Variants in TBCK observed in about 807,000 individuals in gnomAD.
The protein encoded by TBCK is TBC1 domain containing kinase.
Under a neutral mutation model 113.4 loss-of-function variants are expected in TBCK, and 99 were observed. The ratio of observed to expected loss-of-function variants is 0.87; its 90% CI spans 0.74 to 1.03. The LOEUF (loss-of-function observed/expected upper bound fraction) is 1.03, where lower values mean the gene tolerates loss of function less well. Among genes scored for constraint, TBCK ranks in the 50% least tolerant of loss-of-function variants. The pLI is 0.00. For missense variants in TBCK, 1,045 were observed against 1,061.3 expected (o/e 0.98, Z 0.21); for synonymous variants, 369 against 370.8 (o/e 1.00, Z 0.05).
At chr4:106,050,216 C>G (rs947299919) in intron 25 of TBCK, among the ~76,000 whole-genome samples, 1 of 151,864 alleles carries the variant, frequency 6.6e-6, no homozygotes, top group Non-Finnish European at 1.5e-5. Flanking sequence ...ATAACTAAGA[C>G]TCAGAATATA....
chr4:106,047,232 C>T (rs1734317934), intron 25 of TBCK, among the ~76,000 whole-genome samples: 1 of 152,120 alleles, frequency 6.6e-6, no homozygotes, highest in African/African-American at 2.4e-5. Flanking sequence ...TCCAGGAAGA[C>T]TTCTAGATGT....
At chr4:106,166,105 TAATA>T (rs1259323740) in intron 23 of TBCK, among the ~76,000 whole-genome samples, 2 of 151,768 alleles carry the variant, frequency 1.3e-5, no homozygotes, top group African/African-American at 2.4e-5. Flanking sequence ...ATGCTAATTT[TAATA>T]AATATTCTTT....
chr4:106,274,682 G>A (rs545989957), intron 3 of TBCK, among the ~76,000 whole-genome samples: 112 of 152,276 alleles, frequency 7.4e-4, no homozygotes, highest in Middle Eastern at 6.8e-3. Flanking sequence ...GAGAGAAGGC[G>A]AGGGACTGCT....
chr4:106,048,283 A>AATGG (rs761802512), intron 25 of TBCK, among the ~76,000 whole-genome samples: 3 of 152,104 alleles, frequency 2.0e-5, no homozygotes, highest in Non-Finnish European at 4.4e-5. Context: ...AACTCACATA[A>AATGG]ATGGGTCTTA....
intron 23 of TBCK, among the ~76,000 whole-genome samples, chr4:106,145,287 C>T (rs1221749018): frequency 6.6e-6 from 1 of 152,166 alleles, no homozygotes; most frequent in Non-Finnish European, 1.5e-5. Flanking sequence ...CACTGCACTC[C>T]AGCCTGGTGA....
chr4:106,096,091 G>C (rs1188555011), intron 24 of TBCK, among the ~76,000 whole-genome samples: 1 of 151,884 alleles, frequency 6.6e-6, no homozygotes, highest in African/African-American at 2.4e-5. Flanking sequence ...TGAAAGGAGA[G>C]AGAATCAACA....
intron 23 of TBCK, among the ~76,000 whole-genome samples, chr4:106,136,141 A>T (rs28528983): frequency 0.24 from 33,294 of 140,060 alleles, 8,195 homozygotes; most frequent in African/African-American, 0.41. Flanking sequence ...TCCTTTTTTT[A>T]TTCAGTTTTT....
intron 23 of TBCK, among the ~76,000 whole-genome samples, chr4:106,142,619 T>C (rs1408992478): frequency 1.3e-5 from 2 of 152,150 alleles, no homozygotes; most frequent in Non-Finnish European, 2.9e-5. Context: ...TGCTAGCCTT[T>C]CCGTAGAATT....
chr4:106,193,915 A>G (rs1579196127), intron 21 of TBCK, 145 bp from the exon 22 acceptor site: 1 of 556,006 alleles, frequency 1.8e-6, no homozygotes, highest in East Asian at 3.3e-5. Flanking sequence ...TTTTTATGAA[A>G]TGTTTATTTG....
At chr4:106,086,912 C>T (rs533771624) in intron 25 of TBCK, among the ~76,000 whole-genome samples, 11 of 152,148 alleles carry the variant, frequency 7.2e-5, no homozygotes, top group South Asian at 2.1e-4. Flanking sequence ...TCAATAAACT[C>T]GGTATTGATG....
At chr4:106,180,194 T>G (rs1011891610) in intron 22 of TBCK, among the ~76,000 whole-genome samples, 2 of 151,908 alleles carry the variant, frequency 1.3e-5, no homozygotes, top group Non-Finnish European at 2.9e-5. Context: ...TCTAGCTCTT[T>G]TTATTGGATA....
chr4:106,041,865 A>AATTACT lies in TBCK; in HGVS notation c.*4699_*4704dup, dbSNP rs1733895127. The AATTACT allele has an allele frequency of 6.6e-6, 1 of 152,220 alleles. No individual in the cohort carries two copies. The highest frequency in any genetic ancestry group is 2.1e-4 in the South Asian group (1 of 4,832). The allele number at this position is 152,220 out of a possible 1,614,324, so 9.4% of individuals were successfully genotyped here. A position where few individuals can be genotyped will look rare whatever the true frequency, so the allele number is the denominator to read the frequency against. ...ACCTATCATAAGGCATTAACAGGAA[A>AATTACT]ATTACTCAGAAAAGATATAAATACA... is the stretch of plus-strand genomic sequence containing the variant. On this transcript the variant is annotated 3_prime_UTR_variant, in exon 26 of 26. Coordinates refer to ENST00000394708, the MANE Select transcript of TBCK (RefSeq NM_001163435.3).
intron 24 of TBCK, among the ~76,000 whole-genome samples, chr4:106,105,001 A>G (rs1025615627): frequency 6.6e-6 from 1 of 152,178 alleles, no homozygotes; most frequent in Non-Finnish European, 1.5e-5. Context: ...CCCCAACCAG[A>G]GCTATCGAGC....
Position 106,232,925 on chromosome 4 carries a change from C to T in TBCK, c.1639+13G>A, listed in dbSNP as rs1298794542. 2 of 1,608,642 alleles carry T rather than the reference C, an allele frequency of 1.2e-6. No individual in the cohort carries two copies. Among genetic ancestry groups the T allele is most frequent in the Non-Finnish European group, 8.5e-7 (1 of 1,177,296 alleles). The stretch of plus-strand genomic sequence containing the variant: ...TAATACTCCAGAGGAGTTTTAATGA[C>T]TACAAAAGTTACCTTGCCAATACAC... On this transcript the variant is annotated intron_variant, in intron 17 of 25. Transcript: ENST00000394708.
At chr4:106,144,644 A>T (rs912140902) in intron 23 of TBCK, among the ~76,000 whole-genome samples, 1 of 152,122 alleles carries the variant, frequency 6.6e-6, no homozygotes, top group African/African-American at 2.4e-5. Flanking sequence ...TGTTCTTTTT[A>T]AAAAAATGAT....
At position 106,307,053 on chromosome 4, in the gene TBCK, A is replaced by G. The variant is rs1767601822; in HGVS notation, c.193+1715T>C. Among the ~76,000 whole-genome samples the G allele has an allele frequency of 2.0e-5, 3 of 152,186 alleles. No homozygotes were observed. The South Asian group carries it at 6.2e-4, about 31-fold the overall frequency. On this transcript the variant is annotated intron_variant, in intron 2 of 25. Coordinates refer to ENST00000394708, the MANE Select transcript of TBCK (RefSeq NM_001163435.3). ...TCACGAAGCCTCCTGACAACATCTA[A>G]CTATTTACAGCACTAGGTATGTGGT...
chr4:106,309,882 T>C (rs1360482140), intron 1 of TBCK: 2 of 152,186 alleles, frequency 1.3e-5, no homozygotes, highest in Non-Finnish European at 2.9e-5. Flanking sequence ...AGTTTAGAGA[T>C]AGTTGTTCCA....
chr4:106,189,753 AT>A (rs1388103931), intron 22 of TBCK, among the ~76,000 whole-genome samples: 8 of 152,174 alleles, frequency 5.3e-5, no homozygotes, highest in African/African-American at 1.9e-4. Flanking sequence ...TACTGAAAAA[AT>A]ATCTCAACAA....
rs3113248 is a variant in TBCK at position 106,315,136 on chromosome 4, G to A, written c.-30+795C>T. 4.5e-3 allele frequency among the ~76,000 whole-genome samples: 689 copies of A among 151,916 alleles called. 1 individual carries two copies. The highest frequency in any genetic ancestry group is 0.012 in the East Asian group (63 of 5,158). ...CTCGTGAGTGGAAGAAAACTACCGGGGGAAAAAAAACGTAGAGATGAGAGA... is the reference window on the plus strand; with the variant it reads ...CTCGTGAGTGGAAGAAAACTACCGGAGGAAAAAAAACGTAGAGATGAGAGA... On this transcript the variant is annotated intron_variant, in intron 1 of 25. Transcript: ENST00000394708.
Sources: allele counts gnomAD v4.1 joint callset (sites outside exome capture counted in the v4.1 genomes callset), GRCh38; gene constraint gnomAD v4.1.1; transcripts MANE v1.5; gene names NCBI Gene and HGNC (gene_info 2026-07-23, HGNC 2026-07-21).